Variants in PRKCA observed in about 807,000 individuals in gnomAD.
PRKCA encodes protein kinase C alpha.
In PRKCA, 27 loss-of-function variants were observed where a neutral mutation model predicts 87.0. The observed-to-expected ratio is 0.31, with a 90% CI of 0.23 to 0.43. The LOEUF (loss-of-function observed/expected upper bound fraction) is 0.43, where lower values mean the gene tolerates loss of function less well. Among genes scored for constraint, PRKCA ranks in the 20% least tolerant of loss-of-function variants. The probability of loss-of-function intolerance (pLI) is 1.00; values close to 1 mark genes in which losing one functional copy is unlikely to be tolerated. For synonymous variants in PRKCA, 329 were observed against 311.1 expected, an observed-to-expected ratio of 1.06 and a Z score of -0.61; for missense variants, 518 against 852.3, an observed-to-expected ratio of 0.61 and a Z score of 4.88.
chr17:66,408,586 G>C (rs1247753057), intron 2 of PRKCA, among the ~76,000 whole-genome samples: 3 of 152,066 alleles, frequency 2.0e-5, no homozygotes. Context: ...GCGTTGTTTG[G>C]TTTATCTAGC....
chr17:66,745,675 C>T (rs915754850), intron 13 of PRKCA, among the ~76,000 whole-genome samples: 5 of 151,908 alleles, frequency 3.3e-5, no homozygotes, highest in African/African-American at 1.2e-4. Context: ...AGTGAGACAC[C>T]GTCTCAAAAA....
rs114940104 is a variant in PRKCA, at chr17:66,310,282, T to A, written c.205+4155T>A. ...TGTGCTACAAACCTAGGCTCTTTGA[T>A]GAGGTGAAGATACTCAAGAGACAGC... On this transcript the variant is annotated intron_variant, in intron 2 of 16. Coordinates refer to ENST00000413366, the MANE Select transcript of PRKCA (RefSeq NM_002737.3). Among the ~76,000 whole-genome samples, 768 of 152,032 alleles carry A rather than the reference T, an allele frequency of 5.1e-3. 7 individuals are homozygous for A. The highest frequency in any genetic ancestry group is 0.018 in the African/African-American group (742 of 41,442).
chr17:66,570,289 G>A (rs999722147), intron 3 of PRKCA, among the ~76,000 whole-genome samples: 2 of 152,154 alleles, frequency 1.3e-5, no homozygotes, highest in African/African-American at 4.8e-5. Flanking sequence ...CGATGGACGG[G>A]TTTGTGGATA....
intron 2 of PRKCA, among the ~76,000 whole-genome samples, chr17:66,331,214 G>A (rs1368468335): frequency 6.6e-6 from 1 of 152,138 alleles, no homozygotes; most frequent in Non-Finnish European, 1.5e-5. Context: ...CATCTCAGTG[G>A]TTTGGGTTGA....
intron 2 of PRKCA, among the ~76,000 whole-genome samples, chr17:66,409,073 G>A (rs1375339475): frequency 6.7e-6 from 1 of 148,524 alleles, no homozygotes; most frequent in East Asian, 2.0e-4. Flanking sequence ...AATAAATAGT[G>A]GTTGTCAGTT....
chr17:66,613,215 A>G (rs1427289352), intron 3 of PRKCA, among the ~76,000 whole-genome samples: 1 of 152,218 alleles, frequency 6.6e-6, no homozygotes, highest in African/African-American at 2.4e-5. Flanking sequence ...GTTCTCTGCC[A>G]GAATCCTAGA....
intron 14 of PRKCA, among the ~76,000 whole-genome samples, chr17:66,782,606 T>G (rs888559779): frequency 2.6e-5 from 4 of 152,178 alleles, no homozygotes; most frequent in Non-Finnish European, 4.4e-5. Context: ...CGGGATGACT[T>G]GAAACATCTC....
At chr17:66,394,721 A>G (rs2143653426) in intron 2 of PRKCA, among the ~76,000 whole-genome samples, 1 of 152,282 alleles carries the variant, frequency 6.6e-6, no homozygotes, top group African/African-American at 2.4e-5. Flanking sequence ...GAGGTAGTTG[A>G]ATCACTGGGG....
At chr17:66,479,091 A>C (rs1915661195) in intron 2 of PRKCA, among the ~76,000 whole-genome samples, 1 of 152,240 alleles carries the variant, frequency 6.6e-6, no homozygotes, top group African/African-American at 2.4e-5. Context: ...AACAACCTAC[A>C]GAATGGGAGA....
In PRKCA at chr17:66,803,015, A is replaced by G. The variant is rs149730242; in HGVS notation, c.1855-858A>G. The stretch of plus-strand genomic sequence containing the variant: ...GCCACTACCCTTGTGGGTGGCTGAC[A>G]AGGTGAAGAGAACACTCCTTCCCCA... On this transcript the variant is annotated intron_variant, in intron 16 of 16. Coordinates refer to ENST00000413366, the MANE Select transcript of PRKCA (RefSeq NM_002737.3). The surrounding 1 kb of genome is among the most constrained non-coding windows in gnomAD (Gnocchi z 4.4). 2.3e-3 allele frequency among the ~76,000 whole-genome samples: 345 copies of G among 152,264 alleles called. 2 individuals carry two copies. Among genetic ancestry groups the G allele is most frequent in the African/African-American group, 8.0e-3 (334 of 41,538 alleles).
intron 2 of PRKCA, among the ~76,000 whole-genome samples, chr17:66,313,430 A>G (rs1006558338): frequency 6.6e-6 from 1 of 152,242 alleles, no homozygotes. Context: ...AACATATGTA[A>G]TGGCTAAACC....
At chr17:66,477,870 C>A (rs547751307) in intron 2 of PRKCA, among the ~76,000 whole-genome samples, 1 of 152,156 alleles carries the variant, frequency 6.6e-6, no homozygotes, top group African/African-American at 2.4e-5. Flanking sequence ...GCAGTTACTC[C>A]CCATTCTCTA....
intron 3 of PRKCA, among the ~76,000 whole-genome samples, chr17:66,537,941 G>T (rs1319074919): frequency 6.6e-6 from 1 of 152,038 alleles, no homozygotes; most frequent in Non-Finnish European, 1.5e-5. Flanking sequence ...GAGTGGCTGG[G>T]ATTACAGGTT....
chr17:66,739,000 A>G, intron 11 of PRKCA, 145 bp downstream of exon 11: 1 of 640,858 alleles, frequency 1.6e-6, no homozygotes, highest in Non-Finnish European at 2.8e-6. Context: ...CTCCCACCTC[A>G]GCCTCCTGAG....
At chr17:66,735,920 C>CTTTTTT (rs5821508) in intron 10 of PRKCA, among the ~76,000 whole-genome samples, 77 of 122,078 alleles carry the variant, frequency 6.3e-4, no homozygotes, top group Non-Finnish European at 1.0e-3. Flanking sequence ...TTCTTTCTTT[C>CTTTTTT]TTTTTTTTTT....
chr17:66,701,478 G>T (rs1973062538), intron 8 of PRKCA, among the ~76,000 whole-genome samples: 1 of 152,074 alleles, frequency 6.6e-6, no homozygotes, highest in Admixed American at 6.6e-5. Flanking sequence ...AAAAGTTTCT[G>T]CACAGCAAAG....
chr17:66,476,713 CCTT>C lies in PRKCA; in HGVS notation c.206-19484_206-19482del, dbSNP rs371117100. Among the ~76,000 whole-genome samples, 463 of 152,330 alleles carry C rather than the reference CCTT, an allele frequency of 3.0e-3. 3 individuals carry two copies. Among genetic ancestry groups the C allele is most frequent in the African/African-American group, 0.01 (429 of 41,574 alleles). Reference sequence around the variant, plus strand: ...GCTTGCCTGTTCTTCTAATCATTGACCTTCTTGTTAGTTGGATTCTCTTTTTCT... The same window carrying C: ...GCTTGCCTGTTCTTCTAATCATTGACCTTGTTAGTTGGATTCTCTTTTTCT... On this transcript the variant is annotated intron_variant, in intron 2 of 16. Transcript: ENST00000413366.
intron 3 of PRKCA, among the ~76,000 whole-genome samples, chr17:66,615,577 C>T (rs141912799): frequency 6.6e-6 from 1 of 152,234 alleles, no homozygotes; most frequent in East Asian, 1.9e-4. Context: ...GAATAATTTA[C>T]CTCTCCATTT....
At chr17:66,477,301 G>T (rs1915575112) in intron 2 of PRKCA, among the ~76,000 whole-genome samples, 1 of 152,190 alleles carries the variant, frequency 6.6e-6, no homozygotes, top group South Asian at 2.1e-4. Context: ...CGTAACAGCA[G>T]CATGTAGTTC....
Sources: gnomAD v4.1 joint callset for allele counts (sites outside exome capture counted in the v4.1 genomes callset) on GRCh38, gnomAD v4.1.1 for gene constraint, Gnocchi (gnomAD v3.1) non-coding constraint, MANE v1.5 for transcripts, NCBI Gene and HGNC (gene_info 2026-07-23, HGNC 2026-07-21) for gene names.